The following TPPP variants were observed in gnomAD, a reference collection of about 807,000 sequenced individuals.
TPPP encodes tubulin polymerization promoting protein.
In TPPP, 6 loss-of-function variants were observed where a neutral mutation model predicts 15.5. The observed-to-expected ratio is 0.39, with a 90% CI of 0.21 to 0.77. TPPP has a LOEUF of 0.77. Ranked by LOEUF, TPPP falls within the 30% of genes least tolerant of loss-of-function variation. The pLI, the probability that TPPP is intolerant of heterozygous loss-of-function variation, is 0.42. For missense variants in TPPP, 269 were observed against 307.2 expected, an observed-to-expected ratio of 0.88 and a Z score of 0.93; for synonymous variants, 146 against 133.9, an observed-to-expected ratio of 1.09 and a Z score of -0.63.
chr5:697,606 G>A (rs1741037829), upstream of TPPP, among the ~76,000 whole-genome samples: 1 of 152,030 alleles, frequency 6.6e-6, no homozygotes, highest in African/African-American at 2.4e-5. Context: ...GCTCTGTAAA[G>A]CCGAGATGGC....
Position 665,954 on chromosome 5 carries a change from T to TC in TPPP, c.465+15dup. On this transcript the variant is annotated intron_variant, in intron 3 of 3. Transcript: ENST00000360578. ...CACCCCCTCCAGGCCCCGCCTTCCA[T>TC]CCCCGCCCTGCTCACCGTCACCCCT... is the stretch of plus-strand genomic sequence containing the variant. 1 of 587,206 alleles carries TC rather than the reference T, an allele frequency of 1.7e-6. No homozygotes were observed. Among genetic ancestry groups the TC allele is most frequent in the African/African-American group, 2.8e-5 (1 of 35,214 alleles). The allele number at this position is 587,206 out of a possible 1,614,324, so 36.4% of individuals were successfully genotyped here.
intron 1 of TPPP, among the ~76,000 whole-genome samples, chr5:679,458 C>CGCCTGG (rs1740562209): frequency 7.2e-6 from 1 of 138,276 alleles, no homozygotes; most frequent in Non-Finnish European, 1.5e-5. Flanking sequence ...GTGGAAGGGC[C>CGCCTGG]AGGTCAGGTG....
At chr5:672,479 C>A (rs1363993317) in intron 2 of TPPP, among the ~76,000 whole-genome samples, 1 of 152,272 alleles carries the variant, frequency 6.6e-6, no homozygotes, top group African/African-American at 2.4e-5. Context: ...CAGCTGAGAC[C>A]GCAGCCCAGC....
rs139757569 is a variant in TPPP, at chr5:665,992, G to T, written c.443C>A (p.Ala148Glu). ...CACCGTCACCCCTGAGATGATGGGCGCCTTGCCCTCGATGAGCCTGTGCAC... is the reference window on the plus strand; with the variant it reads ...CACCGTCACCCCTGAGATGATGGGCTCCTTGCCCTCGATGAGCCTGTGCAC... ...REVHRLIEGK[A>E]PIISGVTKAI... Residue 148 changes from alanine (A) to glutamate (E), a missense_variant, in exon 3 of 4, where the codon GCG becomes GAG. Transcript: ENST00000360578. 23 of 1,601,206 alleles carry T rather than the reference G, an allele frequency of 1.4e-5. No homozygotes were observed. The highest frequency in any genetic ancestry group is 5.1e-5 in the Admixed American group (3 of 59,382).
intron 2 of TPPP, among the ~76,000 whole-genome samples, chr5:675,042 A>ACC: frequency 3.0e-5 from 1 of 33,654 alleles, no homozygotes. Context: ...TGAGGGGGGT[A>ACC]CAGTATGGCT....
At chr5:671,362 C>T (rs1370728586) in intron 2 of TPPP, among the ~76,000 whole-genome samples, 1 of 151,970 alleles carries the variant, frequency 6.6e-6, no homozygotes, top group Non-Finnish European at 1.5e-5. Flanking sequence ...ATCTGAGGGG[C>T]CCGACCTTCT....
intron 1 of TPPP, among the ~76,000 whole-genome samples, chr5:678,477 C>T (rs1253903094): frequency 1.9e-3 from 267 of 142,312 alleles, no homozygotes; most frequent in African/African-American, 8.1e-3. Flanking sequence ...TGTGGACGCC[C>T]GCTCTGCAGC....
At position 679,580 on chromosome 5, in the gene TPPP, C is replaced by A. The variant is rs551722160; in HGVS notation, c.-4-1516G>T. On this transcript the variant is annotated intron_variant, in intron 1 of 3. Coordinates refer to ENST00000360578, the MANE Select transcript of TPPP (RefSeq NM_007030.3). ...CCCTGGGCCTCTGCAGCAGGGGTCG[C>A]TGGACAGGAGGAGCAGCTGAGAAAT... 2.9e-3 allele frequency among the ~76,000 whole-genome samples: 441 copies of A among 152,202 alleles called. 4 individuals are homozygous for A. Among genetic ancestry groups the A allele is most frequent in the Non-Finnish European group, 2.3e-3 (157 of 68,010 alleles).
chr5:665,644 C>A, intron 3 of TPPP, among the ~76,000 whole-genome samples: 1 of 124,264 alleles, frequency 8.0e-6, no homozygotes, highest in African/African-American at 2.7e-5. Flanking sequence ...CCAAGCCTCC[C>A]CAGGACCCCC....
chr5:667,446 TG>T (rs1282613322), intron 2 of TPPP, among the ~76,000 whole-genome samples: 2 of 152,204 alleles, frequency 1.3e-5, no homozygotes, highest in African/African-American at 4.8e-5. Context: ...GTCCTAATTA[TG>T]AAACTAAAAC....
chr5:677,814 A>C lies in TPPP; in HGVS notation c.247T>G (p.Cys83Gly). 1 of 1,606,314 alleles carries C rather than the reference A, an allele frequency of 6.2e-7. No individual in the cohort carries two copies. Among genetic ancestry groups the C allele is most frequent in the Non-Finnish European group, 8.5e-7 (1 of 1,175,288 alleles). ...GKNWSKLCKD[C>G]QVIDGRNVTV... The stretch of plus-strand genomic sequence containing the variant: ...ACGTTCCTGCCGTCGATCACCTGGC[A>C]GTCCTTGCACAGCTTCGACCAGTTC... Residue 83 changes from cysteine (C) to glycine (G), a missense_variant, in exon 2 of 4, where the codon TGC (cysteine) becomes GGC (glycine). Coordinates refer to ENST00000360578, the MANE Select transcript of TPPP (RefSeq NM_007030.3).
In TPPP at chr5:665,048, G is replaced by T; in HGVS notation, c.*54C>A. 17 of 1,564,472 alleles carry T rather than the reference G, an allele frequency of 1.1e-5. No homozygotes were observed. Among genetic ancestry groups the T allele is most frequent in the Non-Finnish European group, 1.5e-5 (17 of 1,155,886 alleles). On this transcript the variant is annotated 3_prime_UTR_variant, in exon 4 of 4. Transcript: ENST00000360578. The stretch of plus-strand genomic sequence containing the variant: ...ACAGGAATGTAATGAAGTGCGAGGT[G>T]ACAGAGTCCCTGCTCTGGGGACACC...
upstream of TPPP, among the ~76,000 whole-genome samples, chr5:693,883 C>T (rs1228198004): frequency 4.0e-5 from 6 of 149,258 alleles, no homozygotes; most frequent in Non-Finnish European, 7.5e-5. Flanking sequence ...TGAGGGTGCT[C>T]GGACCCCAAG....
intron 2 of TPPP, among the ~76,000 whole-genome samples, chr5:674,649 A>G (rs1218185192): frequency 6.6e-6 from 1 of 151,830 alleles, no homozygotes. Context: ...CCTGGTCACC[A>G]GGACCTGCCA....
chr5:692,446 C>T (rs1740911570), intron 1 of TPPP: 3 of 843,704 alleles, frequency 3.6e-6, no homozygotes, highest in Admixed American at 1.3e-4. Flanking sequence ...AAATAGCAGC[C>T]TCCCAACCCC....
At chr5:669,133 G>A (rs1191309981) in intron 2 of TPPP, among the ~76,000 whole-genome samples, 1 of 152,226 alleles carries the variant, frequency 6.6e-6, no homozygotes, top group African/African-American at 2.4e-5. Context: ...GGGAGCGGAG[G>A]CCTCGCTGTG....
upstream of TPPP, among the ~76,000 whole-genome samples, chr5:696,692 G>A (rs1160663958): frequency 3.8e-5 from 3 of 79,472 alleles, no homozygotes; most frequent in African/African-American, 1.3e-4. Context: ...TGGCAGCTTA[G>A]GGAAAATGTC....
chr5:671,236 G>A (rs1398792418), intron 2 of TPPP, among the ~76,000 whole-genome samples: 3 of 145,326 alleles, frequency 2.1e-5, no homozygotes, highest in Non-Finnish European at 3.0e-5. Context: ...CGGCCTTTTC[G>A]TTTTCCTGGG....
chr5:682,257 C>T (rs1740644452), intron 1 of TPPP, among the ~76,000 whole-genome samples: 2 of 144,360 alleles, frequency 1.4e-5, no homozygotes, highest in Admixed American at 1.3e-4. Context: ...GGCTCTGTCA[C>T]TAGGAACAGG....
Sources: gnomAD v4.1 joint callset for allele counts (sites outside exome capture counted in the v4.1 genomes callset) on GRCh38, gnomAD v4.1.1 for gene constraint, MANE v1.5 for transcripts, NCBI Gene and HGNC (gene_info 2026-07-23, HGNC 2026-07-21) for gene names.